The following GOLGA4 variants were observed in gnomAD, a reference collection of about 807,000 sequenced individuals.
The protein encoded by GOLGA4 is golgin A4.
GOLGA4 carries 169 observed loss-of-function variants against 265.9 expected under a neutral mutation model. The ratio of observed to expected loss-of-function variants is 0.64; its 90% CI spans 0.56 to 0.72. The LOEUF is 0.72. Ranked by LOEUF, GOLGA4 falls within the 30% of genes least tolerant of loss-of-function variation. The pLI is 0.00. For missense variants in GOLGA4, 2,482 were observed against 2,483.4 expected, an observed-to-expected ratio of 1.00 and a Z score of 0.01; for synonymous variants, 923 against 855.8, an observed-to-expected ratio of 1.08 and a Z score of -1.37.
intron 2 of GOLGA4, among the ~76,000 whole-genome samples, chr3:37,264,244 T>C (rs2096777650): frequency 1.3e-5 from 2 of 152,238 alleles, no homozygotes; most frequent in African/African-American, 4.8e-5. Context: ...AAATTAACTT[T>C]GGAAGTCTAA....
intron 17 of GOLGA4, among the ~76,000 whole-genome samples, chr3:37,336,774 AAG>A (rs941227242): frequency 3.5e-4 from 52 of 150,250 alleles, no homozygotes; most frequent in African/African-American, 1.1e-3. Context: ...GAAAGAGAGA[AAG>A]AGAGAGAGAG....
In GOLGA4 at chr3:37,327,169, G is replaced by T. The variant is rs149253591; in HGVS notation, c.5283G>T (p.Glu1761Asp). Residue 1761 changes from glutamate (E) to aspartate (D), a missense_variant, in exon 14 of 24, where the codon GAG (glutamate) becomes GAT (aspartate). This residue lies in a region of GOLGA4 where 942 missense variants were observed against 983.1 expected (regional missense o/e 0.96). Coordinates refer to ENST00000361924, the MANE Select transcript of GOLGA4 (RefSeq NM_002078.5). ...AGAGGGTAGGGCAGGAAAAAGAAGA[G>T]ACAGTTTCTTCTCATTTTGAAATGC... ...LLQRVGQEKEETVSSHFEMRC... is the reference protein window; with the variant it reads ...LLQRVGQEKEDTVSSHFEMRC... 1.2e-6 allele frequency: 2 copies of T among 1,613,822 alleles called. No individual in the cohort carries two copies. Among genetic ancestry groups the T allele is most frequent in the Non-Finnish European group, 1.7e-6 (2 of 1,179,832 alleles).
intron 2 of GOLGA4, among the ~76,000 whole-genome samples, chr3:37,263,900 A>G (rs2096776870): frequency 6.6e-6 from 1 of 152,234 alleles, no homozygotes; most frequent in East Asian, 1.9e-4. Context: ...CAATTTGAAC[A>G]GAGTTTGAGT....
rs2096835823 is a variant in GOLGA4 at position 37,281,951 on chromosome 3, G to T, written c.163-7G>T. ...AATCCACACATTCTGTTGGGTTTTG[G>T]TTGCAGTCAGGTGACACACAGTCTT... On this transcript the variant is annotated splice_polypyrimidine_tract_variant and splice_region_variant and intron_variant, in intron 2 of 23. Coordinates refer to ENST00000361924, the MANE Select transcript of GOLGA4 (RefSeq NM_002078.5). The T allele has an allele frequency of 1.2e-6, 2 of 1,602,050 alleles. No individual in the cohort carries two copies. The highest frequency in any genetic ancestry group is 3.4e-5 in the Admixed American group (2 of 59,194).
chr3:37,328,688 C>A, intron 15 of GOLGA4, 151 bp downstream of exon 15: 1 of 809,202 alleles, frequency 1.2e-6, no homozygotes, highest in Non-Finnish European at 1.9e-6. Context: ...GGGAACCTGC[C>A]CTGCTTGGCA....
chr3:37,352,441 A>G (rs2097077471), intron 21 of GOLGA4, among the ~76,000 whole-genome samples: 1 of 151,946 alleles, frequency 6.6e-6, no homozygotes, highest in South Asian at 2.1e-4. Flanking sequence ...TGATTCAGTT[A>G]CCTCCCATTG....
At chr3:37,363,036 C>T (rs932198448) in intron 23 of GOLGA4, among the ~76,000 whole-genome samples, 12 of 152,072 alleles carry the variant, frequency 7.9e-5, no homozygotes, top group African/African-American at 2.2e-4. Context: ...CCCACCTTGG[C>T]CTCCCAAAGT....
intron 21 of GOLGA4, among the ~76,000 whole-genome samples, chr3:37,348,262 T>G (rs2097062422): frequency 6.6e-6 from 1 of 152,198 alleles, no homozygotes; most frequent in African/African-American, 2.4e-5. Flanking sequence ...GAGATTCAGC[T>G]AAATACCAGG....
Position 37,327,491 on chromosome 3 carries a change from G to T in GOLGA4, c.5605G>T (p.Val1869Leu), listed in dbSNP as rs369221558. The change falls in exon 14 of 24, where the codon GTA becomes TTA. Residue 1869 changes from valine (V) to leucine (L), a missense_variant. Val to Leu is a conservative substitution (Grantham distance 32). This residue lies in a region of GOLGA4 where 942 missense variants were observed against 983.1 expected (regional missense o/e 0.96). Coordinates refer to ENST00000361924, the MANE Select transcript of GOLGA4 (RefSeq NM_002078.5). The stretch of plus-strand genomic sequence containing the variant: ...TTCCTGCTTAGTAAGACAGAAAGAA[G>T]TACATAGAGTTGAAATGGAAGAGTT... ...LDSCLVRQKE[V>L]HRVEMEELTS... is the part of the protein sequence containing the mutation. 3 of 1,613,160 alleles carry T rather than the reference G, an allele frequency of 1.9e-6. No individual in the cohort carries two copies. The highest frequency in any genetic ancestry group is 2.5e-6 in the Non-Finnish European group (3 of 1,179,442).
chr3:37,353,647 C>G (rs78585192), intron 21 of GOLGA4, among the ~76,000 whole-genome samples: 7 of 152,034 alleles, frequency 4.6e-5, no homozygotes, highest in African/African-American at 1.7e-4. Context: ...AAGCAATTCT[C>G]CCACCTCTCC....
intron 22 of GOLGA4, among the ~76,000 whole-genome samples, chr3:37,357,683 C>T (rs2097094222): frequency 6.6e-6 from 1 of 152,124 alleles, no homozygotes. Flanking sequence ...TCAGAGATTT[C>T]CATCATTCAT....
chr3:37,298,698 A>G, intron 7 of GOLGA4, 135 bp from the exon 8 acceptor site: 1 of 626,036 alleles, frequency 1.6e-6, no homozygotes, highest in East Asian at 2.7e-5. Flanking sequence ...CCAGGAACGA[A>G]CAATGACAGC....
chr3:37,281,819 A>G, intron 2 of GOLGA4, 139 bp from the exon 3 acceptor site: 1 of 709,196 alleles, frequency 1.4e-6, no homozygotes, highest in Non-Finnish European at 2.4e-6. Flanking sequence ...TGTTTTTCAG[A>G]AAACAATGTA....
At chr3:37,351,870 T>C (rs2097075615) in intron 21 of GOLGA4, among the ~76,000 whole-genome samples, 1 of 152,034 alleles carries the variant, frequency 6.6e-6, no homozygotes, top group Non-Finnish European at 1.5e-5. Context: ...TGAAGGGCCC[T>C]AGGATCTTTG....
At chr3:37,246,462 C>A (rs1214589620) in intron 1 of GOLGA4, among the ~76,000 whole-genome samples, 2 of 152,124 alleles carry the variant, frequency 1.3e-5, no homozygotes, top group Non-Finnish European at 2.9e-5. Flanking sequence ...TATTTTAAAA[C>A]ATTTTTAGCC....
Position 37,243,273 on chromosome 3 carries a change from T to G in GOLGA4, c.-278T>G, listed in dbSNP as rs2096707604. 1.9e-6 allele frequency: 1 copy of G among 517,690 alleles called. No homozygotes were observed. Among genetic ancestry groups the G allele is most frequent in the Non-Finnish European group, 3.4e-6 (1 of 291,982 alleles). 32.1% of individuals were successfully genotyped at this position (517,690 alleles called of 1,614,324 possible). ...CCGCGCAAGCGCCCTTGGCGCACAG[T>G]TCACCTGCTGCCGTTGTCGTCGCCG... On this transcript the variant is annotated 5_prime_UTR_variant, in exon 1 of 24. Transcript: ENST00000361924.
intron 7 of GOLGA4, among the ~76,000 whole-genome samples, chr3:37,296,985 A>T (rs961975235): frequency 6.6e-6 from 1 of 152,242 alleles, no homozygotes; most frequent in South Asian, 2.1e-4. Flanking sequence ...GCTAGATTTC[A>T]TATGAACAGG....
chr3:37,359,566 C>G (rs2097099143), intron 22 of GOLGA4, among the ~76,000 whole-genome samples: 1 of 151,916 alleles, frequency 6.6e-6, no homozygotes, highest in Non-Finnish European at 1.5e-5. Flanking sequence ...TGTTCTCTGT[C>G]CATTCTAGTC....
At chr3:37,258,238 G>T (rs992541655) in intron 2 of GOLGA4, among the ~76,000 whole-genome samples, 4 of 145,744 alleles carry the variant, frequency 2.7e-5, no homozygotes, top group Admixed American at 7.0e-5. Context: ...ATATGTATGA[G>T]ATATATAGCA....
Sources: allele counts gnomAD v4.1 joint callset (sites outside exome capture counted in the v4.1 genomes callset), GRCh38; gene constraint gnomAD v4.1.1; regional missense constraint gnomAD v4.1.1; transcripts MANE v1.5; gene names NCBI Gene and HGNC (gene_info 2026-07-23, HGNC 2026-07-21).